PRMT8: variants seen among roughly 807,000 people sequenced by gnomAD.
PRMT8 encodes protein arginine methyltransferase 8.
Under a neutral mutation model 47.1 loss-of-function variants are expected in PRMT8, and 7 were observed. The observed-to-expected ratio is 0.15, with a 90% CI of 0.08 to 0.28. The LOEUF is 0.28. Among genes scored for constraint, PRMT8 ranks in the 10% least tolerant of loss-of-function variants. PRMT8 has a pLI of 1.00. For missense variants in PRMT8, 237 were observed against 505.4 expected, an observed-to-expected ratio of 0.47 and a Z score of 5.09; for synonymous variants, 188 against 186.5, an observed-to-expected ratio of 1.01 and a Z score of -0.07.
intron 1 of PRMT8, among the ~76,000 whole-genome samples, chr12:3,388,900 G>C (rs117245626): frequency 2.0e-5 from 3 of 152,074 alleles, no homozygotes; most frequent in Non-Finnish European, 2.9e-5. Flanking sequence ...AGCCTGATGC[G>C]TGTCAGTCAC....
intron 1 of PRMT8, among the ~76,000 whole-genome samples, chr12:3,525,180 C>G (rs1865934587): frequency 6.6e-6 from 1 of 152,082 alleles, no homozygotes; most frequent in African/African-American, 2.4e-5. Context: ...CAAGACCATG[C>G]CCTCGCACTC....
At chr12:3,523,093 A>G (rs1175464066) in intron 1 of PRMT8, among the ~76,000 whole-genome samples, 1 of 152,182 alleles carries the variant, frequency 6.6e-6, no homozygotes, top group East Asian at 1.9e-4. Context: ...GCCAAGTCTT[A>G]CAGTGTGAAA....
chr12:3,401,315 G>A (rs1330744081), intron 1 of PRMT8, among the ~76,000 whole-genome samples: 2 of 151,854 alleles, frequency 1.3e-5, no homozygotes, highest in African/African-American at 2.4e-5. Context: ...AGGTATTGAG[G>A]AATATACCTC....
rs761809726 is a variant in PRMT8, at chr12:3,593,242, C to T, written c.*60C>T. ...GGAACTCTCACCTCGATCTGCCGTG[C>T]CGTCCCAAAGAATACCGTTTGCAGG... On this transcript the variant is annotated 3_prime_UTR_variant, in exon 10 of 10. Transcript: ENST00000382622. The surrounding 1 kb of genome is among the most constrained non-coding windows in gnomAD (Gnocchi z 4.8). 248 of 1,410,996 alleles carry T rather than the reference C, an allele frequency of 1.8e-4. No individual in the cohort carries two copies. The highest frequency in any genetic ancestry group is 2.3e-4 in the Non-Finnish European group (229 of 1,007,048). The allele number at this position is 1,410,996 out of a possible 1,614,324, so 87.4% of individuals were successfully genotyped here.
In PRMT8 at chr12:3,467,788, AG is replaced by A. The variant is rs112801702; in HGVS notation, c.49-72816del. On this transcript the variant is annotated intron_variant, in intron 1 of 9. Coordinates refer to the PRMT8 transcript ENST00000452611. The stretch of plus-strand genomic sequence containing the variant: ...ATCAGATCACCAGGAAAAGTCTCAC[AG>A]GCACCTCATTCCTAGAACAGAACGC... Among the ~76,000 whole-genome samples the A allele has an allele frequency of 9.9e-3, 1,504 of 152,370 alleles. 29 individuals are homozygous for A. Among genetic ancestry groups the A allele is most frequent in the African/African-American group, 0.034 (1,404 of 41,584 alleles).
rs760787232 is a variant in PRMT8, at chr12:3,491,620, G to A, written c.-6G>A. On this transcript the variant is annotated 5_prime_UTR_variant, in exon 1 of 10. Transcript: ENST00000382622. ...TCTCGGTATCACCAAACCCTTGCCG[G>A]CTCTTATGGGCATGAAACACTCCTC... 1 of 1,612,108 alleles carries A rather than the reference G, an allele frequency of 6.2e-7. No individual in the cohort carries two copies. Among genetic ancestry groups the A allele is most frequent in the South Asian group, 1.1e-5 (1 of 90,698 alleles).
intron 1 of PRMT8, among the ~76,000 whole-genome samples, chr12:3,412,870 C>A (rs1864446085): frequency 6.6e-6 from 1 of 152,170 alleles, no homozygotes; most frequent in Non-Finnish European, 1.5e-5. Context: ...ACCTTGGCCG[C>A]CCAAAGTGCT....
At chr12:3,528,773 A>T (rs1865982572) in intron 1 of PRMT8, among the ~76,000 whole-genome samples, 1 of 152,110 alleles carries the variant, frequency 6.6e-6, no homozygotes. Context: ...TAGATATTTT[A>T]TGCTTCTAAG....
intron 1 of PRMT8, among the ~76,000 whole-genome samples, chr12:3,424,283 C>G (rs972458822): frequency 6.6e-6 from 1 of 152,162 alleles, no homozygotes; most frequent in African/African-American, 2.4e-5. Flanking sequence ...TTATTACTAG[C>G]TCTAAGGGGT....
chr12:3,524,712 G>A (rs1157605555), intron 1 of PRMT8, among the ~76,000 whole-genome samples: 2 of 150,226 alleles, frequency 1.3e-5, no homozygotes, highest in East Asian at 3.9e-4. Flanking sequence ...TGGGAAAATT[G>A]TGACCCCATG....
chr12:3,579,402 GC>G (rs1422716844), intron 7 of PRMT8, among the ~76,000 whole-genome samples: 1 of 152,164 alleles, frequency 6.6e-6, no homozygotes, highest in Non-Finnish European at 1.5e-5. Flanking sequence ...ACTAGCAGGG[GC>G]CTTTCAGTTG....
chr12:3,425,119 T>A (rs1864589025), intron 1 of PRMT8, among the ~76,000 whole-genome samples: 1 of 152,244 alleles, frequency 6.6e-6, no homozygotes, highest in Non-Finnish European at 1.5e-5. Context: ...GGCTCTCTGA[T>A]ACCGGGAGCA....
intron 2 of PRMT8, among the ~76,000 whole-genome samples, chr12:3,541,994 A>C (rs568962559): frequency 3.5e-4 from 53 of 150,832 alleles, no homozygotes; most frequent in African/African-American, 1.1e-3. Context: ...CTAGCAATCA[A>C]ACCTTCACCT....
intron 1 of PRMT8, among the ~76,000 whole-genome samples, chr12:3,463,888 T>G (rs1865064046): frequency 1.3e-5 from 2 of 152,236 alleles, no homozygotes; most frequent in Admixed American, 6.5e-5. Context: ...CATCCTCACC[T>G]ACAGCATTTG....
intron 1 of PRMT8, among the ~76,000 whole-genome samples, chr12:3,475,325 A>T (rs1449575080): frequency 1.3e-5 from 2 of 152,224 alleles, no homozygotes; most frequent in African/African-American, 2.4e-5. Flanking sequence ...ACGATTTCTT[A>T]TTCTGGCTAG....
At chr12:3,490,244 G>C (rs1337902695), upstream of PRMT8, among the ~76,000 whole-genome samples, 2 of 152,100 alleles carry the variant, frequency 1.3e-5, no homozygotes, top group Non-Finnish European at 2.9e-5. Flanking sequence ...TGAGTGTCCT[G>C]TTGCAAAGGG....
intron 1 of PRMT8, among the ~76,000 whole-genome samples, chr12:3,433,637 A>C (rs916921647): frequency 6.6e-6 from 1 of 152,036 alleles, no homozygotes; most frequent in Non-Finnish European, 1.5e-5. Flanking sequence ...TTTTAGATGA[A>C]GTCTCGCTCT....
chr12:3,481,080 T>C (rs887240314), intron 1 of PRMT8, among the ~76,000 whole-genome samples: 4 of 152,164 alleles, frequency 2.6e-5, no homozygotes, highest in Non-Finnish European at 5.9e-5. Flanking sequence ...TGATAAACGC[T>C]ACTATCTGCC....
chr12:3,466,262 TC>T (rs1241060072), intron 1 of PRMT8, among the ~76,000 whole-genome samples: 11 of 152,338 alleles, frequency 7.2e-5, no homozygotes, highest in Admixed American at 6.5e-4. Context: ...TCCTGTGGGC[TC>T]GTGGGACTGA....
Sources: allele counts gnomAD v4.1 joint callset (sites outside exome capture counted in the v4.1 genomes callset), GRCh38; gene constraint gnomAD v4.1.1; non-coding constraint Gnocchi (gnomAD v3.1); transcripts MANE v1.5; gene names NCBI Gene and HGNC (gene_info 2026-07-23, HGNC 2026-07-21).